Variants in ARHGAP42 observed in about 807,000 individuals in gnomAD.
ARHGAP42 encodes the protein rho GTPase-activating protein 42.
ARHGAP42 carries 63 observed loss-of-function variants against 125.0 expected under a neutral mutation model. That is an observed-to-expected ratio of 0.50 (90% CI 0.41 to 0.62). The LOEUF (loss-of-function observed/expected upper bound fraction) is 0.62, where lower values mean the gene tolerates loss of function less well. Among genes scored for constraint, ARHGAP42 ranks in the 20% least tolerant of loss-of-function variants. The pLI, the probability that ARHGAP42 is intolerant of heterozygous loss-of-function variation, is 0.00. For synonymous variants in ARHGAP42, 339 were observed against 351.0 expected (o/e 0.97, Z 0.38); for missense variants, 766 against 1,024.2 (o/e 0.75, Z 3.44).
intron 6 of ARHGAP42, among the ~76,000 whole-genome samples, chr11:100,925,620 C>A (rs557318839): frequency 6.7e-4 from 102 of 152,236 alleles, no homozygotes; most frequent in African/African-American, 2.4e-3. Context: ...TGCCTGTAAT[C>A]CCAGCTACTG....
chr11:100,890,664 A>T (rs1042404316), intron 4 of ARHGAP42, among the ~76,000 whole-genome samples: 4 of 152,230 alleles, frequency 2.6e-5, no homozygotes, highest in African/African-American at 9.6e-5. Flanking sequence ...ATTTTCTTAA[A>T]TTATAAGGCA....
At chr11:100,841,386 ACT>A (rs1864944085) in intron 3 of ARHGAP42, among the ~76,000 whole-genome samples, 1 of 151,800 alleles carries the variant, frequency 6.6e-6, no homozygotes, top group Admixed American at 6.6e-5. Context: ...CTTCCCCTCA[ACT>A]CTCAGTGGAT....
At chr11:100,915,930 C>T (rs1867049404) in intron 5 of ARHGAP42, among the ~76,000 whole-genome samples, 1 of 152,142 alleles carries the variant, frequency 6.6e-6, no homozygotes, top group South Asian at 2.1e-4. Flanking sequence ...AATTCTGTGA[C>T]ATGGCATTAA....
At chr11:100,740,413 G>A (rs576714931) in intron 1 of ARHGAP42, among the ~76,000 whole-genome samples, 5 of 152,278 alleles carry the variant, frequency 3.3e-5, no homozygotes, top group Non-Finnish European at 7.4e-5. Flanking sequence ...TTTATATGTA[G>A]AAAATTGAGA....
chr11:100,767,606 A>C (rs982037096), intron 1 of ARHGAP42, among the ~76,000 whole-genome samples: 1 of 152,124 alleles, frequency 6.6e-6, no homozygotes, highest in Admixed American at 6.6e-5. Flanking sequence ...AGAGCTTCCA[A>C]ATAGGCTCAT....
intron 2 of ARHGAP42, among the ~76,000 whole-genome samples, chr11:100,775,309 G>A (rs947140875): frequency 7.2e-5 from 11 of 152,072 alleles, no homozygotes; most frequent in Non-Finnish European, 1.2e-4. Context: ...GTGATGGAGG[G>A]GAGAAGAGTG....
intron 3 of ARHGAP42, among the ~76,000 whole-genome samples, chr11:100,803,367 G>A (rs1205401097): frequency 6.6e-6 from 1 of 152,148 alleles, no homozygotes; most frequent in African/African-American, 2.4e-5. Context: ...GGCATTTAAA[G>A]CTATAGGAAT....
At chr11:100,754,672 T>G (rs1862532556) in intron 1 of ARHGAP42, among the ~76,000 whole-genome samples, 2 of 152,214 alleles carry the variant, frequency 1.3e-5, no homozygotes, top group Admixed American at 1.3e-4. Flanking sequence ...AGTTCCAGTA[T>G]AATGCTTTCT....
At chr11:100,856,587 A>G (rs1486892037) in intron 3 of ARHGAP42, among the ~76,000 whole-genome samples, 2 of 152,080 alleles carry the variant, frequency 1.3e-5, no homozygotes, top group African/African-American at 4.8e-5. Context: ...AAGTGATAAC[A>G]TTTTTCAGAG....
At chr11:100,936,428 G>A (rs374144927) in intron 8 of ARHGAP42, 96 bp downstream of exon 8, 1 of 1,455,734 alleles carries the variant, frequency 6.9e-7, no homozygotes. Flanking sequence ...TAGGAGGACT[G>A]AAATTTCTTA....
rs766153376 is a variant in ARHGAP42, at chr11:100,821,400, G to A, written c.312+26234G>A. 2.8e-4 allele frequency among the ~76,000 whole-genome samples: 42 copies of A among 152,212 alleles called. No individual in the cohort carries two copies. In the Middle Eastern group the frequency reaches 0.01, roughly 37 times the overall value. ...GAAATGCCCTCTGCCTTCTTTAGAAGGAAGTGAGTTGAGTTTCCAGATCAT... is the reference window on the plus strand; with the variant it reads ...GAAATGCCCTCTGCCTTCTTTAGAAAGAAGTGAGTTGAGTTTCCAGATCAT... On this transcript the variant is annotated intron_variant, in intron 3 of 23. Transcript: ENST00000298815.
At chr11:100,725,307 AT>A in intron 1 of ARHGAP42, among the ~76,000 whole-genome samples, 1 of 151,698 alleles carries the variant, frequency 6.6e-6, no homozygotes, top group Non-Finnish European at 1.5e-5. Flanking sequence ...AGTAGCTGGG[AT>A]TACAGGCGCA....
intron 7 of ARHGAP42, among the ~76,000 whole-genome samples, chr11:100,934,450 C>T (rs1468386962): frequency 1.3e-5 from 2 of 151,982 alleles, no homozygotes; most frequent in Admixed American, 6.6e-5. Context: ...TCCATACAGG[C>T]CACCTATTTC....
In ARHGAP42 at chr11:100,935,401, G is replaced by A. The variant is rs80342977; in HGVS notation, c.703-802G>A. ...TACCTTTGCTAGTAAACCAAGCTAC[G>A]TGATGTTTCTTCAAAAATAGCCTTT... On this transcript the variant is annotated intron_variant, in intron 7 of 23. Transcript: ENST00000298815. Among the ~76,000 whole-genome samples, 1,099 of 152,158 alleles carry A rather than the reference G, an allele frequency of 7.2e-3. 66 individuals are homozygous for A. The East Asian group carries it at 0.15, about 20-fold the overall frequency.
chr11:100,856,271 C>A (rs1181879836), intron 3 of ARHGAP42, among the ~76,000 whole-genome samples: 2 of 152,054 alleles, frequency 1.3e-5, no homozygotes, highest in Admixed American at 6.6e-5. Flanking sequence ...GTTTCCTACC[C>A]TTTATATGAC....
At chr11:100,911,399 T>C (rs1444285057) in intron 4 of ARHGAP42, among the ~76,000 whole-genome samples, 1 of 152,134 alleles carries the variant, frequency 6.6e-6, no homozygotes, top group African/African-American at 2.4e-5. Flanking sequence ...TATATAACTA[T>C]ATGAGCATTC....
intron 2 of ARHGAP42, among the ~76,000 whole-genome samples, chr11:100,785,932 A>G (rs1401393121): frequency 1.3e-5 from 2 of 152,212 alleles, no homozygotes; most frequent in Non-Finnish European, 1.5e-5. Context: ...TCAAACAATC[A>G]AAATCAAATA....
Position 100,828,675 on chromosome 11 carries a change from T to C in ARHGAP42, c.313-30879T>C, listed in dbSNP as rs533057679. Among the ~76,000 whole-genome samples, 12 of 151,774 alleles carry C rather than the reference T, an allele frequency of 7.9e-5. No individual in the cohort carries two copies. In the East Asian group the frequency reaches 2.1e-3, roughly 27 times the overall value. ...CCTACTATTAATTGTTGAAAGATAC[T>C]GCTTTTCTGTTTGTCTTTTTTTTTT... is the stretch of plus-strand genomic sequence containing the variant. On this transcript the variant is annotated intron_variant, in intron 3 of 23. Coordinates refer to ENST00000298815, the MANE Select transcript of ARHGAP42 (RefSeq NM_152432.4).
intron 3 of ARHGAP42, among the ~76,000 whole-genome samples, chr11:100,795,860 A>G (rs1443604776): frequency 6.6e-6 from 1 of 152,224 alleles, no homozygotes; most frequent in African/African-American, 2.4e-5. Flanking sequence ...CATAGTAAAT[A>G]CATTTTGATG....
Sources: allele counts gnomAD v4.1 joint callset (sites outside exome capture counted in the v4.1 genomes callset), GRCh38; gene constraint gnomAD v4.1.1; transcripts MANE v1.5; gene names NCBI Gene and HGNC (gene_info 2026-07-23, HGNC 2026-07-21).